The following METTL21C variants were observed in gnomAD, a reference collection of about 807,000 sequenced individuals.
The protein encoded by METTL21C is protein-lysine methyltransferase METTL21C.
Under a neutral mutation model 25.9 loss-of-function variants are expected in METTL21C, and 21 were observed. The ratio of observed to expected loss-of-function variants is 0.81; its 90% CI spans 0.58 to 1.17. The LOEUF (loss-of-function observed/expected upper bound fraction) is 1.17, where lower values mean the gene tolerates loss of function less well. Among genes scored for constraint, METTL21C ranks in the 50% most tolerant of loss-of-function variants. The pLI is 0.00. For missense variants in METTL21C, 312 were observed against 315.1 expected (o/e 0.99, Z 0.07); for synonymous variants, 125 against 124.7 (o/e 1.00, Z -0.01).
chr13:102,690,005 T>C (rs1012113068), intron 2 of METTL21C, among the ~76,000 whole-genome samples: 1 of 152,128 alleles, frequency 6.6e-6, no homozygotes, highest in Non-Finnish European at 1.5e-5. Flanking sequence ...CTTTTCTGAC[T>C]AAAAATCCAG....
At chr13:102,703,305 C>A in the METTL21C span, among the ~76,000 whole-genome samples, 1 of 152,208 alleles carries the variant, frequency 6.6e-6, no homozygotes, top group Non-Finnish European at 1.5e-5. Flanking sequence ...GAACTTCTAG[C>A]CCTGAGGGTT....
chr13:102,692,803 G>A (rs566735066), intron 1 of METTL21C, among the ~76,000 whole-genome samples: 2 of 152,194 alleles, frequency 1.3e-5, no homozygotes, highest in South Asian at 2.1e-4. Context: ...TGTCCTTTGC[G>A]GTCACCTGCC....
chr13:102,686,639 A>G (rs1251624099), intron 3 of METTL21C, among the ~76,000 whole-genome samples: 1 of 152,114 alleles, frequency 6.6e-6, no homozygotes, highest in Non-Finnish European at 1.5e-5. Flanking sequence ...GCCTCCAACC[A>G]CCTGATGTCA....
At chr13:102,691,052 G>GCA in intron 1 of METTL21C, 88 bp from the exon 2 acceptor site, 7 of 1,425,768 alleles carry the variant, frequency 4.9e-6, no homozygotes, top group Non-Finnish European at 6.8e-6. Flanking sequence ...GATGGCATTA[G>GCA]ATTGAATGAC....
chr13:102,701,577 G>A, the METTL21C span, among the ~76,000 whole-genome samples: 10 of 152,124 alleles, frequency 6.6e-5, no homozygotes, highest in African/African-American at 2.4e-4. Context: ...CTGGAGGTTT[G>A]TTATCACACA....
the METTL21C span, among the ~76,000 whole-genome samples, chr13:102,700,410 C>T: frequency 0.13 from 19,533 of 152,110 alleles, 1,497 homozygotes; most frequent in Middle Eastern, 0.17. Context: ...AACAGATTTC[C>T]CCTCAAAGAA....
At chr13:102,690,273 T>C (rs1473797461) in intron 2 of METTL21C, among the ~76,000 whole-genome samples, 11 of 151,838 alleles carry the variant, frequency 7.2e-5, no homozygotes, top group Non-Finnish European at 1.3e-4. Flanking sequence ...ATACAAAAAT[T>C]AGCCAGGCAT....
upstream of METTL21C, among the ~76,000 whole-genome samples, chr13:102,695,878 C>CA (rs1463575065): frequency 6.6e-6 from 1 of 152,178 alleles, no homozygotes; most frequent in Non-Finnish European, 1.5e-5. Flanking sequence ...TACAATTCTA[C>CA]AAAAACCTTT....
In METTL21C at chr13:102,694,569, G is replaced by C; in HGVS notation, c.-71C>G. ...AAAGAACGACTATAATCTACTGACT[G>C]ACTGTTACTAGTTCAGCACATCTAT... On this transcript the variant is annotated 5_prime_UTR_variant, in exon 1 of 4. Transcript: ENST00000267273. 1 of 198,186 alleles carries C rather than the reference G, an allele frequency of 5.0e-6. No individual in the cohort carries two copies. Among genetic ancestry groups the C allele is most frequent in the Non-Finnish European group, 5.5e-6 (1 of 181,032 alleles). 12.3% of individuals were successfully genotyped at this position (198,186 alleles called of 1,614,324 possible). A position where few individuals can be genotyped will look rare whatever the true frequency, so the allele number is the denominator to read the frequency against.
intron 2 of METTL21C, among the ~76,000 whole-genome samples, chr13:102,688,143 C>G (rs1054366355): frequency 1.3e-5 from 2 of 152,198 alleles, no homozygotes; most frequent in East Asian, 3.8e-4. Context: ...AGATATGCCC[C>G]CATCTTCCTC....
rs559987398 is a variant in METTL21C at position 102,690,375 on chromosome 13, C to A, written c.282+438G>T. Among the ~76,000 whole-genome samples, 10 of 150,116 alleles carry A rather than the reference C, an allele frequency of 6.7e-5. No homozygotes were observed. In the South Asian group the frequency reaches 2.1e-3, roughly 32 times the overall value. On this transcript the variant is annotated intron_variant, in intron 2 of 3. Transcript: ENST00000267273. ...GGTGGAGGTTGCAGTGAGCCAAGAT[C>A]GTGTCACTGCACTCCAGCCTGGGTA...
chr13:102,690,889 T>C lies in METTL21C; in HGVS notation c.206A>G (p.Glu69Gly), dbSNP rs780558177. The C allele has an allele frequency of 3.1e-6, 5 of 1,614,078 alleles. No homozygotes were observed. In the Admixed American group the frequency reaches 8.3e-5, roughly 27 times the overall value. ...VPTDYASYTQ[E>G]HYRFAGKEIV... ...CTCCTTTCCTGCAAACCGATAATGCTCCTGAGTGTAGCTGGCGTAATCTGT... is the reference window on the plus strand; with the variant it reads ...CTCCTTTCCTGCAAACCGATAATGCCCCTGAGTGTAGCTGGCGTAATCTGT... The change falls in exon 2 of 4, where the codon GAG (glutamate) becomes GGG (glycine). Residue 69 changes from glutamate (E) to glycine (G), a missense_variant. Transcript: ENST00000267273.
the METTL21C span, among the ~76,000 whole-genome samples, chr13:102,702,654 C>G: frequency 6.6e-6 from 1 of 151,676 alleles, no homozygotes; most frequent in African/African-American, 2.4e-5. Context: ...ATGGCGCAAT[C>G]TCCACTCACT....
In METTL21C at chr13:102,686,036, C is replaced by A; in HGVS notation, c.790G>T (p.Asp264Tyr). The A allele has an allele frequency of 6.4e-7, 1 of 1,568,602 alleles. No homozygotes were observed. Among genetic ancestry groups the A allele is most frequent in the South Asian group, 1.2e-5 (1 of 83,486 alleles). Residue 264 changes from aspartate to tyrosine, a missense_variant, in exon 4 of 4, where the codon GAC becomes TAC. Transcript: ENST00000267273. The part of the protein sequence containing the change: ...VKLFKGILKW[D>Y] ...TGAAAGGCATTTTGTTGGATTTAGT[C>A]CCATTTTAGTATCCCCTTAAAAAGT... is the stretch of plus-strand genomic sequence containing the variant.
rs760847518 is a variant in METTL21C, at chr13:102,686,305, TC to T, written c.520del (p.Glu174LysfsTer18). The part of the protein sequence containing the change: ...LPEVKELVWG[E>X]DLDKNFPKSA... ...CTTGGGAAAGTTTTTGTCCAGGTCT[TC>T]CCCCCATACCAGTTCTTTCACTTCA... On this transcript the variant is annotated frameshift_variant, in exon 4 of 4. Coordinates refer to ENST00000267273, the MANE Select transcript of METTL21C (RefSeq NM_001010977.3). LOFTEE classifies it high-confidence loss of function. 2.5e-6 allele frequency: 4 copies of T among 1,614,206 alleles called. No homozygotes were observed. The highest frequency in any genetic ancestry group is 1.1e-5 in the South Asian group (1 of 91,084).
At chr13:102,690,782 C>T in intron 2 of METTL21C, 31 bp downstream of exon 2, 2 of 1,606,720 alleles carry the variant, frequency 1.2e-6, no homozygotes, top group Non-Finnish European at 1.7e-6. Flanking sequence ...CTCCAGAAAT[C>T]CTGACATCAC....
intron 1 of METTL21C, among the ~76,000 whole-genome samples, chr13:102,692,768 G>A (rs1296377342): frequency 2.0e-5 from 3 of 152,134 alleles, no homozygotes; most frequent in East Asian, 3.9e-4. Flanking sequence ...CTCTAATAAA[G>A]GTAACCAATT....
chr13:102,689,537 C>A (rs1423805842), intron 2 of METTL21C, among the ~76,000 whole-genome samples: 1 of 152,178 alleles, frequency 6.6e-6, no homozygotes, highest in Non-Finnish European at 1.5e-5. Context: ...ATGTGGGCAC[C>A]CTGGCCCAGC....
Position 102,690,442 on chromosome 13 carries a change from G to A in METTL21C, c.282+371C>T, listed in dbSNP as rs965059322. On this transcript the variant is annotated intron_variant, in intron 2 of 3. Transcript: ENST00000267273. ...TCTCAAAAGAAAAAAAAAAAAAAGA[G>A]AGAGATGAATGGCTGAGGGTCGATG... Among the ~76,000 whole-genome samples the A allele has an allele frequency of 8.6e-5, 13 of 150,414 alleles. No homozygotes were observed. In the East Asian group the frequency reaches 1.4e-3, roughly 16 times the overall value.
Sources: allele counts gnomAD v4.1 joint callset (sites outside exome capture counted in the v4.1 genomes callset), GRCh38; gene constraint gnomAD v4.1.1; transcripts MANE v1.5; gene names NCBI Gene and HGNC (gene_info 2026-07-23, HGNC 2026-07-21).